F2: variants seen among roughly 807,000 people sequenced by gnomAD.
F2 encodes the protein prothrombin.
F2 carries 34 observed loss-of-function variants against 81.9 expected under a neutral mutation model. The ratio of observed to expected loss-of-function variants is 0.42; its 90% CI spans 0.32 to 0.55. The LOEUF (loss-of-function observed/expected upper bound fraction) is 0.55, where lower values mean the gene tolerates loss of function less well. Ranked by LOEUF, F2 falls within the 20% of genes least tolerant of loss-of-function variation. The pLI is 0.18. For synonymous variants in F2, 296 were observed against 326.4 expected, an observed-to-expected ratio of 0.91 and a Z score of 1.01; for missense variants, 630 against 833.4, an observed-to-expected ratio of 0.76 and a Z score of 3.00.
rs758335191 is a variant in F2, at chr11:46,725,877, T to C, written c.578T>C (p.Val193Ala). ...IPVCGQDQVT[V>A]AMTPRSEGSS... ...CCACCAGGCCAGGATCAAGTCACTGTAGCGATGACTCCACGCTCCGAAGGC... is the reference window on the plus strand; with the variant it reads ...CCACCAGGCCAGGATCAAGTCACTGCAGCGATGACTCCACGCTCCGAAGGC... Residue 193 changes from valine to alanine, a missense_variant, in exon 7 of 14, where the codon GTA becomes GCA. Transcript: ENST00000311907. 39 of 1,613,034 alleles carry C rather than the reference T, an allele frequency of 2.4e-5. No individual in the cohort carries two copies. In the East Asian group the frequency reaches 7.6e-4, roughly 31 times the overall value.
At chr11:46,731,744 A>G (rs778731256) in intron 12 of F2, among the ~76,000 whole-genome samples, 12 of 151,952 alleles carry the variant, frequency 7.9e-5, no homozygotes, top group Admixed American at 1.3e-4. Context: ...CAGTGGTGCC[A>G]TGTCCTTCTT....
Position 46,719,860 on chromosome 11 carries a change from A to G in F2, c.238A>G (p.Thr80Ala). Residue 80 changes from threonine to alanine, a missense_variant and splice_region_variant, in exon 2 of 14, where the codon ACG (threonine) becomes GCG (alanine). Coordinates refer to ENST00000311907, the MANE Select transcript of F2 (RefSeq NM_000506.5). The surrounding 1 kb of genome is among the most constrained non-coding windows in gnomAD (Gnocchi z 4.7). ...CGAGGCTCTGGAGTCCTCCACGGCT[A>G]CGGTGAGCCTGGGCTGCTCGGACGG... ...AFEALESSTA[T>A]DVFWAKYTAC... The G allele has an allele frequency of 3.8e-6, 6 of 1,564,112 alleles. No individual in the cohort carries two copies. Among genetic ancestry groups the G allele is most frequent in the Non-Finnish European group, 5.2e-6 (6 of 1,155,294 alleles).
rs763028293 is a variant in F2, at chr11:46,726,511, G to A, written c.888G>A (p.Glu296=). 6.2e-7 allele frequency: 1 copy of A among 1,613,950 alleles called. No homozygotes were observed. The highest frequency in any genetic ancestry group is 8.5e-7 in the Non-Finnish European group (1 of 1,179,888). Residue 296 remains glutamate (E), a synonymous_variant, in exon 8 of 14, where the codon GAG becomes GAA. Coordinates refer to ENST00000311907, the MANE Select transcript of F2 (RefSeq NM_000506.5). This position sits in a 1 kb window ranked among gnomAD's most constrained non-coding sequence, Gnocchi z 5.9. ...GGGTCCCAACAGAGGAGGCCGTGGA[G>A]GAGGAGACAGGAGATGGGCTGGATG... The part of the protein sequence containing the change: ...CDLNYCEEAV[E]EETGDGLDED...
chr11:46,728,947 C>T lies in F2; in HGVS notation c.1472+110C>T. On this transcript the variant is annotated intron_variant, in intron 11 of 13. Transcript: ENST00000311907. This position sits in a 1 kb window ranked among gnomAD's most constrained non-coding sequence, Gnocchi z 5.1. ...CTTTCCCTTTTCCAGGCCTCGGTTT[C>T]TTGGAGTGAACCCAAAAGTTCTTTT... The T allele has an allele frequency of 8.4e-7, 1 of 1,189,138 alleles. No homozygotes were observed. Among genetic ancestry groups the T allele is most frequent in the Non-Finnish European group, 1.2e-6 (1 of 822,758 alleles). 73.7% of individuals were successfully genotyped at this position (1,189,138 alleles called of 1,614,324 possible).
chr11:46,729,172 G>T (rs1490133803), intron 11 of F2, among the ~76,000 whole-genome samples: 3 of 151,992 alleles, frequency 2.0e-5, no homozygotes, highest in Non-Finnish European at 2.9e-5. Flanking sequence ...AGACTGGTGG[G>T]TTTCACCGTG....
rs573385773 is a variant in F2 at position 46,727,980 on chromosome 11, C to T, written c.1131-16C>T. 2 of 1,602,646 alleles carry T rather than the reference C, an allele frequency of 1.2e-6. No homozygotes were observed. The highest frequency in any genetic ancestry group is 2.2e-5 in the East Asian group (1 of 44,614). ...CCTCATCCTCAGCTCCTAATGCTTC[C>T]TGCTGCCCCTCCCAGGCAGGTGATG... On this transcript the variant is annotated splice_polypyrimidine_tract_variant and intron_variant, in intron 9 of 13. Transcript: ENST00000311907.
chr11:46,728,271 C>A lies in F2; in HGVS notation c.1298+108C>A. 4.2e-6 allele frequency: 5 copies of A among 1,182,676 alleles called. No homozygotes were observed. Among genetic ancestry groups the A allele is most frequent in the South Asian group, 2.6e-5 (2 of 76,278 alleles). 73.3% of individuals were successfully genotyped at this position (1,182,676 alleles called of 1,614,324 possible). ...CACATAGGATGTTCTGTATACCCCC[C>A]AGAATATAACATCCCAGCAGTCTCT... is the stretch of plus-strand genomic sequence containing the variant. On this transcript the variant is annotated intron_variant, in intron 10 of 13. Transcript: ENST00000311907. This position sits in a 1 kb window ranked among gnomAD's most constrained non-coding sequence, Gnocchi z 5.1.
In F2 at chr11:46,726,059, G is replaced by C; in HGVS notation, c.760G>C (p.Ala254Pro). ...GAGCAAGCACCAGGACTTCAACTCA[G>C]CTGTGCAGCTGGTGGAGAACTTCTG... The part of the protein sequence containing the change: ...ALSKHQDFNS[A>P]VQLVENFCRN... Residue 254 changes from alanine to proline, a missense_variant, in exon 7 of 14, where the codon GCT becomes CCT. Ala to Pro is a conservative substitution (Grantham distance 27). Coordinates refer to ENST00000311907, the MANE Select transcript of F2 (RefSeq NM_000506.5). This position sits in a 1 kb window ranked among gnomAD's most constrained non-coding sequence, Gnocchi z 5.9. The C allele has an allele frequency of 6.2e-7, 1 of 1,614,228 alleles. No homozygotes were observed. The highest frequency in any genetic ancestry group is 1.1e-5 in the South Asian group (1 of 91,090).
At chr11:46,720,218 T>A in intron 2 of F2, 1 of 551,642 alleles carries the variant, frequency 1.8e-6, no homozygotes, top group South Asian at 2.1e-5. Context: ...GGCTCAAGAC[T>A]CAGTGTTCCT....
Position 46,719,799 on chromosome 11 carries a change from G to C in F2, c.177G>C (p.Glu59Asp). The C allele has an allele frequency of 1.3e-6, 2 of 1,595,066 alleles. No homozygotes were observed. The highest frequency in any genetic ancestry group is 2.3e-5 in the South Asian group (2 of 87,480). The change falls in exon 2 of 14, where the codon GAG (glutamate) becomes GAC (aspartate). Residue 59 changes from glutamate to aspartate, a missense_variant. Coordinates refer to ENST00000311907, the MANE Select transcript of F2 (RefSeq NM_000506.5). This position sits in a 1 kb window ranked among gnomAD's most constrained non-coding sequence, Gnocchi z 4.7. Reference sequence around the variant, plus strand: ...TGCGCAAGGGCAACCTGGAGCGAGAGTGCGTGGAGGAGACGTGCAGCTACG... The same window carrying C: ...TGCGCAAGGGCAACCTGGAGCGAGACTGCGTGGAGGAGACGTGCAGCTACG... ...EEVRKGNLER[E>D]CVEETCSYEE...
At chr11:46,731,910 ATG>A (rs1435633762) in intron 12 of F2, among the ~76,000 whole-genome samples, 57 of 123,324 alleles carry the variant, frequency 4.6e-4, no homozygotes, top group South Asian at 5.5e-4. Flanking sequence ...AGACACTTTG[ATG>A]TTTTTTTTTT....
intron 12 of F2, among the ~76,000 whole-genome samples, chr11:46,737,938 A>G (rs1213647283): frequency 1.3e-5 from 2 of 150,374 alleles, no homozygotes; most frequent in Admixed American, 6.6e-5. Context: ...GGCTCAAGCA[A>G]TCCTCTTCTT....
intron 12 of F2, among the ~76,000 whole-genome samples, chr11:46,734,309 A>G (rs1010354039): frequency 5.9e-5 from 9 of 151,664 alleles, no homozygotes; most frequent in African/African-American, 1.9e-4. Context: ...TTTTTTGCCC[A>G]TTTTTTGGTC....
At position 46,719,618 on chromosome 11, in the gene F2, G is replaced by C. The variant is rs1171988989; in HGVS notation, c.80-84G>C. ...CCTCTCTCAGAAGCCAGCAGGGGAG[G>C]GTGGGCTTGCTTCATGCCCCCAGAA... On this transcript the variant is annotated intron_variant, in intron 1 of 13. Coordinates refer to ENST00000311907, the MANE Select transcript of F2 (RefSeq NM_000506.5). This position sits in a 1 kb window ranked among gnomAD's most constrained non-coding sequence, Gnocchi z 4.7. 2 of 1,502,714 alleles carry C rather than the reference G, an allele frequency of 1.3e-6. No individual in the cohort carries two copies. Among genetic ancestry groups the C allele is most frequent in the East Asian group, 2.5e-5 (1 of 40,664 alleles). The allele number at this position is 1,502,714 out of a possible 1,614,324, so 93.1% of individuals were successfully genotyped here.
Position 46,726,688 on chromosome 11 carries a change from T to C in F2, c.1004-23T>C. ...GGGGCTGGTGGCCAGGACTTGCCCCTCACTGCTTGGCTTGCTCTGCAGACT... is the reference window on the plus strand; with the variant it reads ...GGGGCTGGTGGCCAGGACTTGCCCCCCACTGCTTGGCTTGCTCTGCAGACT... On this transcript the variant is annotated intron_variant, in intron 8 of 13. Transcript: ENST00000311907. The surrounding 1 kb of genome is among the most constrained non-coding windows in gnomAD (Gnocchi z 5.9). The C allele has an allele frequency of 6.2e-7, 1 of 1,613,788 alleles. No homozygotes were observed. The highest frequency in any genetic ancestry group is 8.5e-7 in the Non-Finnish European group (1 of 1,179,588).
At chr11:46,733,907 GC>G (rs1198867427) in intron 12 of F2, among the ~76,000 whole-genome samples, 1 of 145,654 alleles carries the variant, frequency 6.9e-6, no homozygotes, top group Non-Finnish European at 1.5e-5. Flanking sequence ...TCCTGCTTCA[GC>G]CTCCCAAGCA....
At position 46,738,044 on chromosome 11, in the gene F2, C is replaced by T. The variant is rs531993421; in HGVS notation, c.1655-1004C>T. 1.1e-4 allele frequency among the ~76,000 whole-genome samples: 16 copies of T among 152,058 alleles called. No individual in the cohort carries two copies. The East Asian group carries it at 1.9e-3, about 18-fold the overall frequency. On this transcript the variant is annotated intron_variant, in intron 12 of 13. Transcript: ENST00000311907. ...ACAGAGTCTTGTTCTGTCGCTCAGG[C>T]GGTAGTGCAGTGGTGCAATCCCGGC...
Position 46,729,570 on chromosome 11 carries a change from G to T in F2, c.1654+9G>T, listed in dbSNP as rs758373399. 1 of 1,608,378 alleles carries T rather than the reference G, an allele frequency of 6.2e-7. No individual in the cohort carries two copies. Among genetic ancestry groups the T allele is most frequent in the Non-Finnish European group, 8.5e-7 (1 of 1,175,332 alleles). On this transcript the variant is annotated intron_variant, in intron 12 of 13. Coordinates refer to ENST00000311907, the MANE Select transcript of F2 (RefSeq NM_000506.5). ...CAACATGTTCTGTGCTGGCAAGTCT[G>T]TGCAGGGCGGGCTGAGGGAACAGTG...
intron 2 of F2, chr11:46,720,201 GC>G: frequency 1.8e-6 from 1 of 546,754 alleles, no homozygotes. Flanking sequence ...GCCACCACAA[GC>G]CCCCGGGCTC....
Sources: gnomAD v4.1 joint callset for allele counts (sites outside exome capture counted in the v4.1 genomes callset) on GRCh38, gnomAD v4.1.1 for gene constraint, Gnocchi (gnomAD v3.1) non-coding constraint, MANE v1.5 for transcripts, NCBI Gene and HGNC (gene_info 2026-07-23, HGNC 2026-07-21) for gene names.